MAP6: variants seen among roughly 807,000 people sequenced by gnomAD.
The protein encoded by MAP6 is microtubule-associated protein 6.
MAP6 carries 26 observed loss-of-function variants against 42.4 expected under a neutral mutation model. The observed-to-expected ratio is 0.61, with a 90% CI of 0.45 to 0.85. The LOEUF (loss-of-function observed/expected upper bound fraction) is 0.85, where lower values mean the gene tolerates loss of function less well. Ranked by LOEUF, MAP6 falls within the 40% of genes least tolerant of loss-of-function variation. The pLI, the probability that MAP6 is intolerant of heterozygous loss-of-function variation, is 0.00. For synonymous variants in MAP6, 418 were observed against 443.8 expected, an observed-to-expected ratio of 0.94 and a Z score of 0.73; for missense variants, 966 against 1,099.0, an observed-to-expected ratio of 0.88 and a Z score of 1.71.
chr11:75,660,099 G>A (rs949276405), intron 1 of MAP6, among the ~76,000 whole-genome samples: 1 of 152,046 alleles, frequency 6.6e-6, no homozygotes, highest in African/African-American at 2.4e-5. Context: ...TTTCTCTCCT[G>A]GCTTTCTTCC....
intron 1 of MAP6, among the ~76,000 whole-genome samples, chr11:75,651,313 G>T (rs1022508100): frequency 3.3e-5 from 5 of 152,146 alleles, no homozygotes; most frequent in Non-Finnish European, 7.4e-5. Context: ...CCCACAGAAT[G>T]GTGTTATAGT....
intron 3 of MAP6, among the ~76,000 whole-genome samples, chr11:75,598,513 A>T (rs184760834): frequency 0.01 from 1,551 of 152,324 alleles, 14 homozygotes; most frequent in Middle Eastern, 0.024. Context: ...GCCTGAACAG[A>T]GGCCAGCCAG....
intron 1 of MAP6, among the ~76,000 whole-genome samples, chr11:75,614,258 G>C (rs566211951): frequency 3.5e-4 from 54 of 152,304 alleles, no homozygotes; most frequent in African/African-American, 1.3e-3. Flanking sequence ...TCCAGCCAGG[G>C]ACGGGGTGTA....
intron 2 of MAP6, among the ~76,000 whole-genome samples, chr11:75,606,223 G>A (rs574261703): frequency 3.3e-3 from 510 of 152,272 alleles, no homozygotes; most frequent in Non-Finnish European, 5.3e-3. Context: ...CACTGGCCAC[G>A]TGGTCTCCCT....
At chr11:75,608,998 T>C (rs573675922) in intron 1 of MAP6, among the ~76,000 whole-genome samples, 1 of 152,306 alleles carries the variant, frequency 6.6e-6, no homozygotes, top group East Asian at 1.9e-4. Flanking sequence ...CAACTACGAC[T>C]TGTGTTGGGC....
At chr11:75,619,187 AC>A (rs1433553414) in intron 1 of MAP6, among the ~76,000 whole-genome samples, 1 of 152,118 alleles carries the variant, frequency 6.6e-6, no homozygotes, top group African/African-American at 2.4e-5. Context: ...GACACACCAT[AC>A]CCTGTGTATG....
At chr11:75,617,470 C>T (rs1015891853) in intron 1 of MAP6, among the ~76,000 whole-genome samples, 2 of 118,772 alleles carry the variant, frequency 1.7e-5, no homozygotes, top group East Asian at 2.8e-4. Context: ...GAGCCAAGAT[C>T]ATGCCTCTGT....
chr11:75,604,404 C>T (rs1405168687), intron 3 of MAP6: 3 of 985,330 alleles, frequency 3.0e-6, no homozygotes, highest in African/African-American at 3.5e-5. Flanking sequence ...CCTCACTCTT[C>T]ACCCCTTTCA....
At chr11:75,642,759 G>A in intron 1 of MAP6, 1 of 328,800 alleles carries the variant, frequency 3.0e-6, no homozygotes, top group Non-Finnish European at 6.6e-6. Context: ...GAATGCCAAG[G>A]CTAAAAGCTG....
At chr11:75,602,789 G>T in intron 3 of MAP6, 1 of 977,402 alleles carries the variant, frequency 1.0e-6, no homozygotes, top group Non-Finnish European at 1.2e-6. Context: ...TGCAGAGAAT[G>T]GCTCAAATGC....
chr11:75,649,409 G>GTGA (rs1943612250), intron 1 of MAP6, among the ~76,000 whole-genome samples: 1 of 152,182 alleles, frequency 6.6e-6, no homozygotes, highest in Non-Finnish European at 1.5e-5. Context: ...CTTTATAACA[G>GTGA]TGATGACTGC....
intron 1 of MAP6, among the ~76,000 whole-genome samples, chr11:75,612,139 C>T (rs983730771): frequency 3.3e-5 from 5 of 152,274 alleles, no homozygotes; most frequent in African/African-American, 1.2e-4. Flanking sequence ...ATGGGCCACA[C>T]TCTTGCCCTG....
rs573639336 is a variant in MAP6, at chr11:75,663,018, G to A, written c.905+4447C>T. Among the ~76,000 whole-genome samples, 314 of 150,682 alleles carry A rather than the reference G, an allele frequency of 2.1e-3. 2 individuals are homozygous for A. Among genetic ancestry groups the A allele is most frequent in the African/African-American group, 7.1e-3 (290 of 40,872 alleles). On this transcript the variant is annotated intron_variant, in intron 1 of 3. Coordinates refer to ENST00000304771, the MANE Select transcript of MAP6 (RefSeq NM_033063.2). The stretch of plus-strand genomic sequence containing the variant: ...ACTCTGTCACCCAGGCTGGAGGACA[G>A]TGGCATGATCTTGGCTCACTGCAAC...
At chr11:75,644,992 G>A (rs1400311538) in intron 1 of MAP6, among the ~76,000 whole-genome samples, 1 of 152,192 alleles carries the variant, frequency 6.6e-6, no homozygotes, top group Non-Finnish European at 1.5e-5. Flanking sequence ...GGTCGAATGA[G>A]ACACCTAAAA....
intron 1 of MAP6, among the ~76,000 whole-genome samples, chr11:75,654,352 CT>C (rs1040815442): frequency 6.6e-6 from 1 of 152,128 alleles, no homozygotes; most frequent in Non-Finnish European, 1.5e-5. Flanking sequence ...AGTTCCTAAT[CT>C]TTTTCCTTCC....
In MAP6 at chr11:75,667,691, C is replaced by G; in HGVS notation, c.679G>C (p.Ala227Pro). 7.8e-7 allele frequency: 1 copy of G among 1,277,310 alleles called. No homozygotes were observed. The highest frequency in any genetic ancestry group is 9.8e-7 in the Non-Finnish European group (1 of 1,015,910). The allele number at this position is 1,277,310 out of a possible 1,614,324, so 79.1% of individuals were successfully genotyped here. Residue 227 changes from alanine to proline, a missense_variant, in exon 1 of 4, where the codon GCC (alanine) becomes CCC (proline). This residue lies in a region of MAP6 where 943 missense variants were observed against 1,049.9 expected (regional missense o/e 0.90). Transcript: ENST00000304771. This position sits in a 1 kb window ranked among gnomAD's most constrained non-coding sequence, Gnocchi z 5.6. Reference sequence around the variant, plus strand: ...TCGTCCGCCCCGGACGCCTTTCCGGCCGCCAGGCCACCCGCTCCGCCGGGG... The same window carrying G: ...TCGTCCGCCCCGGACGCCTTTCCGGGCGCCAGGCCACCCGCTCCGCCGGGG... ...AAPGGAGGLA[A>P]GKASGADERD...
chr11:75,647,171 A>AT (rs111640570), intron 1 of MAP6, among the ~76,000 whole-genome samples: 2,255 of 150,522 alleles, frequency 0.015, 67 homozygotes, highest in East Asian at 0.13. Context: ...AGTAGAGACG[A>AT]TTTTTTTTTA....
rs659463 is a variant in MAP6, at chr11:75,606,128, G to C, written c.1120-124C>G. The C allele has an allele frequency of 4.4e-6, 5 of 1,139,684 alleles. No individual in the cohort carries two copies. In the African/African-American group the frequency reaches 7.7e-5, roughly 18 times the overall value. 70.6% of individuals were successfully genotyped at this position (1,139,684 alleles called of 1,614,324 possible). A position where few individuals can be genotyped will look rare whatever the true frequency, so the allele number is the denominator to read the frequency against. On this transcript the variant is annotated intron_variant, in intron 2 of 3. Transcript: ENST00000304771. ...AATGACAGAGGTTGGCTCAGGTGGA[G>C]CACAGTGCATAAGGTGTTCCCAAGG...
chr11:75,616,590 T>C (rs1209685527), intron 1 of MAP6, among the ~76,000 whole-genome samples: 1 of 152,196 alleles, frequency 6.6e-6, no homozygotes, highest in Non-Finnish European at 1.5e-5. Flanking sequence ...AAGTAGGATC[T>C]ATAGATTAAA....
Sources: gnomAD v4.1 joint callset for allele counts (sites outside exome capture counted in the v4.1 genomes callset) on GRCh38, gnomAD v4.1.1 for gene constraint, gnomAD v4.1.1 regional missense constraint, Gnocchi (gnomAD v3.1) non-coding constraint, MANE v1.5 for transcripts, NCBI Gene and HGNC (gene_info 2026-07-23, HGNC 2026-07-21) for gene names.